The following TFDP2 variants were observed in gnomAD, a reference collection of about 807,000 sequenced individuals.
The protein encoded by TFDP2 is transcription factor Dp-2 (E2F dimerization partner 2).
A neutral mutation model predicts 59.3 loss-of-function variants in TFDP2; 17 were observed. The observed-to-expected ratio is 0.29, with a 90% CI of 0.20 to 0.43. The LOEUF (loss-of-function observed/expected upper bound fraction) is 0.43, where lower values mean the gene tolerates loss of function less well. Ranked by LOEUF, TFDP2 falls within the 20% of genes least tolerant of loss-of-function variation. TFDP2 has a pLI of 1.00. For synonymous variants in TFDP2, 180 were observed against 194.7 expected (o/e 0.92, Z 0.63); for missense variants, 391 against 528.8 (o/e 0.74, Z 2.56).
chr3:141,991,236 A>G (rs938359220), intron 6 of TFDP2, among the ~76,000 whole-genome samples: 1 of 152,192 alleles, frequency 6.6e-6, no homozygotes, highest in East Asian at 1.9e-4. Flanking sequence ...CATTTTCCCA[A>G]TAAATTTTTT....
chr3:142,037,009 G>A (rs1340697031), intron 3 of TFDP2, among the ~76,000 whole-genome samples: 9 of 152,112 alleles, frequency 5.9e-5, no homozygotes, highest in South Asian at 2.1e-4. Flanking sequence ...CTATGACCTC[G>A]AGTGTAACCT....
intron 1 of TFDP2, among the ~76,000 whole-genome samples, chr3:142,108,765 T>C (rs1280342520): frequency 6.6e-6 from 1 of 152,162 alleles, no homozygotes; most frequent in East Asian, 1.9e-4. Context: ...TATGCCTACC[T>C]CTCCAGCTCT....
chr3:142,055,382 A>G (rs1303597850), intron 3 of TFDP2, among the ~76,000 whole-genome samples: 2 of 152,178 alleles, frequency 1.3e-5, no homozygotes, highest in Non-Finnish European at 2.9e-5. Flanking sequence ...TAGCCCCAGG[A>G]AGCTTCATTA....
intron 3 of TFDP2, among the ~76,000 whole-genome samples, chr3:142,022,923 T>C (rs1010983771): frequency 2.0e-5 from 3 of 151,620 alleles, no homozygotes; most frequent in Admixed American, 1.3e-4. Context: ...AGTTTGAGAC[T>C]AGCCTGGCCA....
chr3:142,139,431 C>A (rs1212732424), intron 1 of TFDP2, among the ~76,000 whole-genome samples: 1 of 152,104 alleles, frequency 6.6e-6, no homozygotes, highest in Non-Finnish European at 1.5e-5. Context: ...GGTTATTTTG[C>A]CTGTTAATTG....
At chr3:141,989,881 A>ATTATTATTATT (rs749856211) in intron 6 of TFDP2, among the ~76,000 whole-genome samples, 2,246 of 149,488 alleles carry the variant, frequency 0.015, 24 homozygotes, top group Non-Finnish European at 0.023. Flanking sequence ...TTACTTTAAT[A>ATTATTATTATT]ATAATAATAA....
intron 6 of TFDP2, among the ~76,000 whole-genome samples, chr3:141,979,303 T>C (rs1425956591): frequency 6.6e-6 from 1 of 152,204 alleles, no homozygotes; most frequent in Non-Finnish European, 1.5e-5. Context: ...CAGTACATAA[T>C]ACTTGATAAT....
chr3:142,043,248 T>A (rs1004601172), intron 3 of TFDP2, among the ~76,000 whole-genome samples: 1 of 149,892 alleles, frequency 6.7e-6, no homozygotes, highest in African/African-American at 2.5e-5. Flanking sequence ...GGGGTTTCAC[T>A]GTGTTAGCCA....
intron 3 of TFDP2, among the ~76,000 whole-genome samples, chr3:142,091,679 C>T (rs1233354976): frequency 1.3e-5 from 2 of 152,108 alleles, no homozygotes; most frequent in African/African-American, 2.4e-5. Flanking sequence ...GGACCAGTTT[C>T]GTGGAAGACA....
chr3:142,052,915 T>G (rs1433412858), intron 3 of TFDP2, among the ~76,000 whole-genome samples: 1 of 152,070 alleles, frequency 6.6e-6, no homozygotes. Flanking sequence ...GTTCACGCCA[T>G]TCTCCTGCCT....
At chr3:141,973,286 G>T (rs2108017496) in intron 8 of TFDP2, among the ~76,000 whole-genome samples, 1 of 151,578 alleles carries the variant, frequency 6.6e-6, no homozygotes, top group South Asian at 2.1e-4. Flanking sequence ...GCTAATTTTT[G>T]TATTTTTAGT....
intron 6 of TFDP2, among the ~76,000 whole-genome samples, chr3:141,979,382 G>A (rs748640258): frequency 9.9e-5 from 15 of 152,080 alleles, no homozygotes; most frequent in Non-Finnish European, 1.2e-4. Context: ...ACTTTAGAGC[G>A]TACTTCTTCA....
At chr3:142,002,531 C>T (rs1943876731) in intron 4 of TFDP2, among the ~76,000 whole-genome samples, 1 of 152,012 alleles carries the variant, frequency 6.6e-6, no homozygotes, top group Non-Finnish European at 1.5e-5. Context: ...TATCTGATAC[C>T]TCATTATAAT....
At chr3:142,048,224 G>A (rs1053250477) in intron 3 of TFDP2, among the ~76,000 whole-genome samples, 3 of 151,964 alleles carry the variant, frequency 2.0e-5, no homozygotes, top group African/African-American at 7.3e-5. Context: ...AGACCAGCCT[G>A]GGCAACATGG....
Position 142,012,640 on chromosome 3 carries a change from G to C in TFDP2, c.83-7096C>G, listed in dbSNP as rs971944412. On this transcript the variant is annotated intron_variant, in intron 3 of 12. Coordinates refer to ENST00000489671, the MANE Select transcript of TFDP2 (RefSeq NM_001178139.2). ...GCCATGGAAAAATGTCCTATTATAA[G>C]AGAACACGATTACATTTACCTGAAA... 9.9e-5 allele frequency among the ~76,000 whole-genome samples: 15 copies of C among 152,058 alleles called. 1 individual carries two copies. The highest frequency in any genetic ancestry group is 9.2e-4 in the Admixed American group (14 of 15,252).
chr3:142,087,697 T>G (rs2060848536), intron 3 of TFDP2, among the ~76,000 whole-genome samples: 1 of 152,074 alleles, frequency 6.6e-6, no homozygotes, highest in African/African-American at 2.4e-5. Flanking sequence ...AGGTGGGGTT[T>G]TGCCATGTTG....
At chr3:141,990,875 G>A (rs1576604825) in intron 6 of TFDP2, among the ~76,000 whole-genome samples, 1 of 152,084 alleles carries the variant, frequency 6.6e-6, no homozygotes, top group African/African-American at 2.4e-5. Flanking sequence ...GGGCTAACAC[G>A]GTGAAACCCC....
chr3:141,981,468 TAGAA>T (rs779559266), intron 6 of TFDP2, among the ~76,000 whole-genome samples: 2 of 152,184 alleles, frequency 1.3e-5, no homozygotes, highest in South Asian at 4.1e-4. Flanking sequence ...GTTATGTACA[TAGAA>T]AGAGATACTA....
intron 3 of TFDP2, among the ~76,000 whole-genome samples, chr3:142,020,789 G>A (rs544925376): frequency 6.6e-6 from 1 of 151,694 alleles, no homozygotes; most frequent in East Asian, 1.9e-4. Context: ...TTCAAGACCA[G>A]CCTGGGCAAC....
Sources: gnomAD v4.1 joint callset for allele counts (sites outside exome capture counted in the v4.1 genomes callset) on GRCh38, gnomAD v4.1.1 for gene constraint, MANE v1.5 for transcripts, NCBI Gene and HGNC (gene_info 2026-07-23, HGNC 2026-07-21) for gene names.